SVIL: variants seen among roughly 807,000 people sequenced by gnomAD.
The protein encoded by SVIL is archvillin.
A neutral mutation model predicts 240.4 loss-of-function variants in SVIL; 101 were observed. The ratio of observed to expected loss-of-function variants is 0.42; its 90% CI spans 0.36 to 0.50. The LOEUF (loss-of-function observed/expected upper bound fraction) is 0.50. Ranked by LOEUF, SVIL falls within the 20% of genes least tolerant of loss-of-function variation. The pLI, the probability that SVIL is intolerant of heterozygous loss-of-function variation, is 0.01. For synonymous variants in SVIL, 999 were observed against 1,100.0 expected (o/e 0.91, Z 1.82); for missense variants, 2,512 against 2,818.7 (o/e 0.89, Z 2.46).
Position 29,533,114 on chromosome 10 carries a change from G to A in SVIL, c.1253C>T (p.Pro418Leu). ...TTTTGACTCGCAGACATGGAGAACTGGGCTATCCCTTCCGTCACCTTCTAG... is the reference window on the plus strand; with the variant it reads ...TTTTGACTCGCAGACATGGAGAACTAGGCTATCCCTTCCGTCACCTTCTAG... ...TVLEGDGRDS[P>L]VLHVCESKAE... The change falls in exon 8 of 38, where the codon CCA (proline) becomes CTA (leucine). Residue 418 changes from proline (P) to leucine (L), a missense_variant. Around this residue, in one of 3 missense-constraint regions of SVIL, gnomAD observed 1,443 missense variants for 1,486.6 expected, o/e 0.97. Transcript: ENST00000355867. 6.2e-7 allele frequency: 1 copy of A among 1,613,994 alleles called. No individual in the cohort carries two copies. Among genetic ancestry groups the A allele is most frequent in the Non-Finnish European group, 8.5e-7 (1 of 1,179,988 alleles).
At chr10:29,683,900 A>T (rs1960859086) in intron 2 of SVIL, among the ~76,000 whole-genome samples, 1 of 152,160 alleles carries the variant, frequency 6.6e-6, no homozygotes, top group African/African-American at 2.4e-5. Context: ...CTCTAACCTC[A>T]TGGCACACTG....
chr10:29,721,468 A>G (rs945973303), intron 1 of SVIL, among the ~76,000 whole-genome samples: 81 of 152,236 alleles, frequency 5.3e-4, no homozygotes, highest in African/African-American at 1.9e-3. Context: ...CCTACAAAAA[A>G]AAAGCACTTT....
At chr10:29,657,262 G>A (rs376842198) in intron 3 of SVIL, among the ~76,000 whole-genome samples, 8 of 152,076 alleles carry the variant, frequency 5.3e-5, no homozygotes, top group African/African-American at 9.7e-5. Context: ...TGGCTGGTGC[G>A]CAATCAATAT....
chr10:29,480,602 C>A lies in SVIL; in HGVS notation c.5312G>T (p.Ser1771Ile), dbSNP rs745454136. ...EFDYSRLPKQ[S>I]IGQFHEGDAY... ...ATCCCCCTCATGGAACTGCCCGATG[C>A]TTTGTTTGGGGAGCCTGCTATAGTC... Residue 1771 changes from serine (S) to isoleucine (I), a missense_variant, in exon 29 of 38, where the codon AGC becomes ATC. By Grantham distance (142) the Ser-to-Ile change is moderately radical. Transcript: ENST00000355867. 1 of 1,614,178 alleles carries A rather than the reference C, an allele frequency of 6.2e-7. No individual in the cohort carries two copies. Among genetic ancestry groups the A allele is most frequent in the Non-Finnish European group, 8.5e-7 (1 of 1,180,040 alleles).
intron 18 of SVIL, among the ~76,000 whole-genome samples, chr10:29,496,723 A>G (rs893236792): frequency 2.0e-4 from 30 of 152,256 alleles, no homozygotes; most frequent in African/African-American, 7.0e-4. Flanking sequence ...TTCTAGGTAC[A>G]ACAACCAGTC....
chr10:29,572,652 T>C (rs1955480510), intron 1 of SVIL, among the ~76,000 whole-genome samples: 2 of 150,998 alleles, frequency 1.3e-5, no homozygotes, highest in Admixed American at 1.3e-4. Context: ...TAGTCCCAGC[T>C]ACTTGGGAGG....
chr10:29,697,397 T>C (rs1478130735), intron 1 of SVIL, among the ~76,000 whole-genome samples: 1 of 84,790 alleles, frequency 1.2e-5, no homozygotes, highest in South Asian at 4.3e-4. Flanking sequence ...GGGGAAAAGA[T>C]TGAGAAATCA....
intron 17 of SVIL, among the ~76,000 whole-genome samples, chr10:29,507,246 CT>C (rs1949433462): frequency 6.6e-6 from 1 of 152,182 alleles, no homozygotes; most frequent in African/African-American, 2.4e-5. Context: ...TATCCTCCTC[CT>C]CTATGAACTG....
At chr10:29,547,417 C>CT (rs11404771) in intron 6 of SVIL, among the ~76,000 whole-genome samples, 63,374 of 151,812 alleles carry the variant, frequency 0.42, 13,296 homozygotes, top group East Asian at 0.44. Context: ...GCATGCACCT[C>CT]TCTAGAAGTC....
chr10:29,478,307 A>AT (rs937376276), intron 29 of SVIL, among the ~76,000 whole-genome samples: 5 of 152,214 alleles, frequency 3.3e-5, no homozygotes, highest in Admixed American at 6.5e-5. Context: ...GATCCACATT[A>AT]TCTTGTCTTC....
intron 29 of SVIL, among the ~76,000 whole-genome samples, chr10:29,476,644 A>AT (rs766741462): frequency 1.6e-4 from 24 of 152,060 alleles, no homozygotes; most frequent in Non-Finnish European, 3.1e-4. Context: ...GCCTTAAGTG[A>AT]TTTTCCCACC....
At chr10:29,613,944 G>C (rs1957342275) in intron 1 of SVIL, among the ~76,000 whole-genome samples, 1 of 152,078 alleles carries the variant, frequency 6.6e-6, no homozygotes, top group Admixed American at 6.6e-5. Flanking sequence ...TCCCCTTATG[G>C]AATGTATGAG....
At chr10:29,605,683 A>G (rs1277693787) in intron 1 of SVIL, among the ~76,000 whole-genome samples, 1 of 147,874 alleles carries the variant, frequency 6.8e-6, no homozygotes. Context: ...TTTTCCCCTT[A>G]GTGGAAAAGT....
intron 3 of SVIL, among the ~76,000 whole-genome samples, chr10:29,562,588 T>C (rs957081707): frequency 1.1e-4 from 17 of 151,956 alleles, no homozygotes; most frequent in African/African-American, 1.4e-4. Context: ...AGCGAAACCC[T>C]GTCTCTACTA....
rs1387425072 is a variant in SVIL at position 29,457,448 on chromosome 10, TTTTTA to T, written c.*794_*798del. 6.5e-5 allele frequency: 10 copies of T among 152,714 alleles called. No individual in the cohort carries two copies. In the South Asian group the frequency reaches 8.3e-4, roughly 13 times the overall value. The allele number at this position is 152,714 out of a possible 1,614,324, so 9.5% of individuals were successfully genotyped here. The stretch of plus-strand genomic sequence containing the variant: ...ACAACCGGTATTAGAAATTGAGATG[TTTTTA>T]TTTTGACTATTTGAGAGTAAAATTG... On this transcript the variant is annotated 3_prime_UTR_variant, in exon 38 of 38. Coordinates refer to ENST00000355867, the MANE Select transcript of SVIL (RefSeq NM_021738.3).
In SVIL at chr10:29,500,546, C is replaced by G. The variant is rs115825960; in HGVS notation, c.3517-1283G>C. Among the ~76,000 whole-genome samples, 713 of 152,280 alleles carry G rather than the reference C, an allele frequency of 4.7e-3. 6 individuals carry two copies. Among genetic ancestry groups the G allele is most frequent in the African/African-American group, 0.016 (684 of 41,558 alleles). On this transcript the variant is annotated intron_variant, in intron 17 of 37. Coordinates refer to ENST00000355867, the MANE Select transcript of SVIL (RefSeq NM_021738.3). ...ACCCGAGGAAGGCTGCTGCTGCTAGCGCATCCGCTTTCAAACTACATCTGA... is the reference window on the plus strand; with the variant it reads ...ACCCGAGGAAGGCTGCTGCTGCTAGGGCATCCGCTTTCAAACTACATCTGA...
chr10:29,554,264 A>AG (rs766796586), intron 5 of SVIL, among the ~76,000 whole-genome samples: 1 of 151,942 alleles, frequency 6.6e-6, no homozygotes, highest in Non-Finnish European at 1.5e-5. Context: ...TGAGCTTATC[A>AG]GGCCACTGCA....
At chr10:29,596,335 T>C (rs1298318924) in intron 1 of SVIL, among the ~76,000 whole-genome samples, 2 of 152,198 alleles carry the variant, frequency 1.3e-5, no homozygotes, top group Admixed American at 6.5e-5. Flanking sequence ...GAGCTGGGCA[T>C]GGTGGCATGC....
chr10:29,735,103 A>G lies in SVIL; in HGVS notation c.-400+648T>C, dbSNP rs570691791. Among the ~76,000 whole-genome samples the G allele has an allele frequency of 6.6e-6, 1 of 151,920 alleles. No homozygotes were observed. The highest frequency in any genetic ancestry group is 2.0e-4 in the East Asian group (1 of 5,104). Reference sequence around the variant, plus strand: ...CTTCTGGAGCTCCACTCGGGGTGCCAGGGACTGCTGGCTGTCACCCGGGGA... The same window carrying G: ...CTTCTGGAGCTCCACTCGGGGTGCCGGGGACTGCTGGCTGTCACCCGGGGA... On this transcript the variant is annotated intron_variant, in intron 1 of 35. Coordinates refer to the SVIL transcript ENST00000375400. This position sits in a 1 kb window ranked among gnomAD's most constrained non-coding sequence, Gnocchi z 4.1.
Sources: gnomAD v4.1 joint callset for allele counts (sites outside exome capture counted in the v4.1 genomes callset) on GRCh38, gnomAD v4.1.1 for gene constraint, gnomAD v4.1.1 regional missense constraint, Gnocchi (gnomAD v3.1) non-coding constraint, MANE v1.5 for transcripts, NCBI Gene and HGNC (gene_info 2026-07-23, HGNC 2026-07-21) for gene names.